BTC: variants seen among roughly 807,000 people sequenced by gnomAD.
BTC encodes betacellulin, also known as probetacellulin.
BTC carries 13 observed loss-of-function variants against 18.1 expected under a neutral mutation model. That is an observed-to-expected ratio of 0.72 (90% CI 0.47 to 1.14). The LOEUF (loss-of-function observed/expected upper bound fraction) is 1.14, where lower values mean the gene tolerates loss of function less well. BTC is among the 50% of genes most tolerant of loss of function. BTC has a pLI of 0.00. For synonymous variants in BTC, 83 were observed against 79.4 expected (o/e 1.05, Z -0.24); for missense variants, 247 against 224.2 (o/e 1.10, Z -0.65).
chr4:74,763,370 T>A (rs899744515), intron 2 of BTC, among the ~76,000 whole-genome samples: 9 of 152,134 alleles, frequency 5.9e-5, no homozygotes, highest in Non-Finnish European at 1.3e-4. Context: ...ATGGTCTTAG[T>A]GTGCCACAGG....
intron 1 of BTC, among the ~76,000 whole-genome samples, chr4:74,777,140 T>G (rs1003629354): frequency 6.6e-6 from 1 of 152,176 alleles, no homozygotes; most frequent in Non-Finnish European, 1.5e-5. Context: ...TGTTTTTGAA[T>G]CCTAGATCTA....
intron 1 of BTC, among the ~76,000 whole-genome samples, chr4:74,778,504 C>T (rs1393111743): frequency 6.6e-6 from 1 of 151,836 alleles, no homozygotes; most frequent in Non-Finnish European, 1.5e-5. Flanking sequence ...TGTGTAGTTC[C>T]AAAGTGAGAT....
chr4:74,776,662 T>A (rs1725182940), intron 1 of BTC, among the ~76,000 whole-genome samples: 1 of 152,126 alleles, frequency 6.6e-6, no homozygotes, highest in Non-Finnish European at 1.5e-5. Flanking sequence ...CGTCTCAAAG[T>A]CACTGCTAAT....
At chr4:74,777,620 G>A (rs1289571052) in intron 1 of BTC, among the ~76,000 whole-genome samples, 1 of 151,966 alleles carries the variant, frequency 6.6e-6, no homozygotes, top group Non-Finnish European at 1.5e-5. Flanking sequence ...CTAATTTTTG[G>A]AAGAAATTTG....
intron 2 of BTC, 32 bp from the exon 3 acceptor site, chr4:74,756,008 C>T (rs1553956681): frequency 2.0e-6 from 3 of 1,491,472 alleles, no homozygotes; most frequent in Non-Finnish European, 1.9e-6. Context: ...AATAAATCAA[C>T]TCTCTTTAAA....
At chr4:74,748,676 G>A (rs972015263) in intron 4 of BTC, among the ~76,000 whole-genome samples, 5 of 152,164 alleles carry the variant, frequency 3.3e-5, no homozygotes, top group Non-Finnish European at 7.3e-5. Context: ...TTAGTTAGCA[G>A]AAGAAAATTT....
chr4:74,794,004 A>G lies in BTC; in HGVS notation c.64+258T>C, dbSNP rs536657918. Among the ~76,000 whole-genome samples, 9 of 151,838 alleles carry G rather than the reference A, an allele frequency of 5.9e-5. No individual in the cohort carries two copies. In the East Asian group the frequency reaches 1.8e-3, roughly 30 times the overall value. On this transcript the variant is annotated intron_variant, in intron 1 of 5. Transcript: ENST00000395743. ...CTGGCGGCCTGCTCGCAGCACTGGC[A>G]GCGAGGACCTCGGAATCGCTTCCGC...
chr4:74,774,008 A>G (rs1725115415), intron 1 of BTC, among the ~76,000 whole-genome samples: 1 of 152,348 alleles, frequency 6.6e-6, no homozygotes, highest in South Asian at 2.1e-4. Context: ...AGTGGCAAAG[A>G]CTTCATGGAG....
In BTC at chr4:74,788,083, G is replaced by A. The variant is rs571600615; in HGVS notation, c.64+6179C>T. Among the ~76,000 whole-genome samples, 18 of 152,234 alleles carry A rather than the reference G, an allele frequency of 1.2e-4. No homozygotes were observed. The East Asian group carries it at 3.5e-3, about 29-fold the overall frequency. On this transcript the variant is annotated intron_variant, in intron 1 of 5. Transcript: ENST00000395743. ...TTTTAAGTCTATCTTGTAACAAAAA[G>A]CATGAATTTGTCTAAATTACAAAAC...
chr4:74,748,449 T>C (rs1553955724), intron 4 of BTC, among the ~76,000 whole-genome samples: 2 of 151,140 alleles, frequency 1.3e-5, no homozygotes, highest in Non-Finnish European at 2.9e-5. Context: ...GGCAGGAGAA[T>C]GGCGTGAACC....
intron 2 of BTC, among the ~76,000 whole-genome samples, chr4:74,769,349 C>G (rs1443544903): frequency 6.6e-6 from 1 of 152,064 alleles, no homozygotes; most frequent in East Asian, 1.9e-4. Flanking sequence ...AACTGTAGTC[C>G]AAGGATCAGA....
At chr4:74,753,851 A>T (rs1247575293) in intron 3 of BTC, among the ~76,000 whole-genome samples, 1 of 152,222 alleles carries the variant, frequency 6.6e-6, no homozygotes, top group Non-Finnish European at 1.5e-5. Flanking sequence ...TGTTCTTAAA[A>T]AGTGGGAACT....
chr4:74,750,541 A>G, intron 4 of BTC, 32 bp downstream of exon 4: 1 of 1,582,788 alleles, frequency 6.3e-7, no homozygotes, highest in Non-Finnish European at 8.6e-7. Flanking sequence ...TGTTTCTCAG[A>G]TTTACTTAAA....
intron 1 of BTC, among the ~76,000 whole-genome samples, chr4:74,781,248 C>G (rs1269161841): frequency 5.3e-5 from 8 of 151,992 alleles, no homozygotes; most frequent in Non-Finnish European, 2.9e-5. Flanking sequence ...TTTTAGTTCA[C>G]TAATGTAAGC....
chr4:74,786,789 C>G (rs1376192307), intron 1 of BTC, among the ~76,000 whole-genome samples: 1 of 151,942 alleles, frequency 6.6e-6, no homozygotes, highest in South Asian at 2.1e-4. Flanking sequence ...ATGTAGCAGT[C>G]TGAATCCTCA....
At chr4:74,784,636 G>T (rs1013015953) in intron 1 of BTC, among the ~76,000 whole-genome samples, 1 of 152,078 alleles carries the variant, frequency 6.6e-6, no homozygotes, top group Admixed American at 6.6e-5. Context: ...TAACACGAAG[G>T]GATGTTGAAT....
intron 4 of BTC, among the ~76,000 whole-genome samples, chr4:74,748,681 A>G (rs1268997741): frequency 6.6e-6 from 1 of 152,238 alleles, no homozygotes; most frequent in Non-Finnish European, 1.5e-5. Flanking sequence ...TAGCAGAAGA[A>G]AATTTTTCAG....
At position 74,776,666 on chromosome 4, in the gene BTC, T is replaced by G. The variant is rs575529699; in HGVS notation, c.65-6510A>C. On this transcript the variant is annotated intron_variant, in intron 1 of 5. Coordinates refer to ENST00000395743, the MANE Select transcript of BTC (RefSeq NM_001729.4). ...GCATGACACGCCGTCTCAAAGTCAC[T>G]GCTAATGCTGAGGTAAGTAGTACAC... Among the ~76,000 whole-genome samples the G allele has an allele frequency of 1.1e-4, 16 of 152,272 alleles. No homozygotes were observed. In the South Asian group the frequency reaches 3.1e-3, roughly 30 times the overall value.
chr4:74,763,932 A>G (rs1724831346), intron 2 of BTC, among the ~76,000 whole-genome samples: 1 of 152,176 alleles, frequency 6.6e-6, no homozygotes, highest in Non-Finnish European at 1.5e-5. Flanking sequence ...GTCACTGCAC[A>G]TTGTATACAT....
Sources: allele counts gnomAD v4.1 joint callset (sites outside exome capture counted in the v4.1 genomes callset), GRCh38; gene constraint gnomAD v4.1.1; transcripts MANE v1.5; gene names NCBI Gene and HGNC (gene_info 2026-07-23, HGNC 2026-07-21).